The following B3GALNT2 variants were observed in gnomAD, a reference collection of about 807,000 sequenced individuals.
B3GALNT2 encodes UDP-GalNAc:beta-1,3-N-acetylgalactosaminyltransferase 2.
Under a neutral mutation model 61.1 loss-of-function variants are expected in B3GALNT2, and 53 were observed. That is an observed-to-expected ratio of 0.87 (90% CI 0.70 to 1.09). The LOEUF (loss-of-function observed/expected upper bound fraction) is 1.09, where lower values mean the gene tolerates loss of function less well. Among genes scored for constraint, B3GALNT2 ranks in the 50% least tolerant of loss-of-function variants. The pLI, the probability that B3GALNT2 is intolerant of heterozygous loss-of-function variation, is 0.00. For missense variants in B3GALNT2, 544 were observed against 623.0 expected (o/e 0.87, Z 1.35); for synonymous variants, 223 against 237.4 (o/e 0.94, Z 0.56).
At chr1:235,474,548 G>T (rs528437609) in intron 5 of B3GALNT2, among the ~76,000 whole-genome samples, 3 of 152,034 alleles carry the variant, frequency 2.0e-5, no homozygotes, top group Admixed American at 2.0e-4. Flanking sequence ...GGCTGGGCAC[G>T]GTGGCTCACA....
intron 10 of B3GALNT2, 108 bp downstream of exon 10, chr1:235,454,048 A>G: frequency 9.5e-7 from 1 of 1,049,074 alleles, no homozygotes; most frequent in Non-Finnish European, 1.3e-6. Flanking sequence ...TATGTTACCC[A>G]GGCTGGTCTT....
chr1:235,473,075 T>G (rs773197693), intron 5 of B3GALNT2, among the ~76,000 whole-genome samples: 9 of 151,900 alleles, frequency 5.9e-5, no homozygotes, highest in Non-Finnish European at 1.0e-4. Context: ...CCACCATGCC[T>G]AGCTAATTTT....
intron 3 of B3GALNT2, 200 bp from the exon 4 acceptor site, chr1:235,484,715 T>C: frequency 1.1e-6 from 1 of 936,302 alleles, no homozygotes; most frequent in Non-Finnish European, 1.5e-6. Flanking sequence ...AATAAAGTTT[T>C]CAGCCACATC....
intron 5 of B3GALNT2, among the ~76,000 whole-genome samples, chr1:235,474,973 ATATATATATATATATTTTTTTTTTTT>A (rs1352706254): frequency 1.7e-4 from 5 of 29,784 alleles, no homozygotes; most frequent in African/African-American, 6.3e-4. Context: ...ATATATATAT[ATATATATATATATATTTTTTTTTTTT>A]TTTTTTTTTT....
intron 1 of B3GALNT2, among the ~76,000 whole-genome samples, chr1:235,495,819 C>G (rs1245639084): frequency 6.6e-6 from 1 of 152,050 alleles, no homozygotes; most frequent in African/African-American, 2.4e-5. Context: ...AGACTCTTTA[C>G]TATATTAAAT....
chr1:235,504,431 A>AGACCGCGGGT lies in B3GALNT2; in HGVS notation c.-189_-180dup. 1.6e-6 allele frequency: 1 copy of AGACCGCGGGT among 619,876 alleles called. No homozygotes were observed. The highest frequency in any genetic ancestry group is 2.4e-6 in the Non-Finnish European group (1 of 408,688). The allele number at this position is 619,876 out of a possible 1,614,324, so 38.4% of individuals were successfully genotyped here. On this transcript the variant is annotated 5_prime_UTR_variant, in exon 1 of 12. Coordinates refer to ENST00000366600, the MANE Select transcript of B3GALNT2 (RefSeq NM_152490.5). ...CCCGGCCCCGCTCCTCCGGTCCCTCAGACCGCGGGTGGCCGCGGCTTAGCC... is the reference window on the plus strand; with the variant it reads ...CCCGGCCCCGCTCCTCCGGTCCCTCAGACCGCGGGTGACCGCGGGTGGCCGCGGCTTAGCC...
In B3GALNT2 at chr1:235,470,775, G is replaced by A. The variant is rs371708271; in HGVS notation, c.762+75C>T. 53 of 1,534,036 alleles carry A rather than the reference G, an allele frequency of 3.5e-5. No homozygotes were observed. The African/African-American group carries it at 7.1e-4, about 21-fold the overall frequency. On this transcript the variant is annotated intron_variant, in intron 6 of 11. Transcript: ENST00000366600. ...TGCTCCATGCTGCCTGGGCTCTAAG[G>A]TAAATTTTAGAACAATTTTATATAT...
chr1:235,478,969 G>A (rs979444189), intron 5 of B3GALNT2: 1 of 149,800 alleles, frequency 6.7e-6, no homozygotes, highest in Non-Finnish European at 1.5e-5. Context: ...TTTATTTTTT[G>A]ACTGCTTTTG....
chr1:235,441,851 G>C, the B3GALNT2 span: 2 of 1,614,024 alleles, frequency 1.2e-6, no homozygotes, highest in Non-Finnish European at 1.7e-6. Context: ...TCAAAACACA[G>C]CAACCACTTA....
At position 235,448,544 on chromosome 1, in the gene B3GALNT2, T is replaced by A; in HGVS notation, c.*1662A>T. 7.2e-7 allele frequency: 1 copy of A among 1,385,958 alleles called. No homozygotes were observed. The highest frequency in any genetic ancestry group is 1.0e-6 in the Non-Finnish European group (1 of 972,750). 85.9% of individuals were successfully genotyped at this position (1,385,958 alleles called of 1,614,324 possible). On this transcript the variant is annotated 3_prime_UTR_variant, in exon 12 of 12. Coordinates refer to ENST00000366600, the MANE Select transcript of B3GALNT2 (RefSeq NM_152490.5). Reference sequence around the variant, plus strand: ...ACAGTTTGATTCTAAATGGAGACCATGGGTCTGTTTGTTTGATTTTAAGGG... The same window carrying A: ...ACAGTTTGATTCTAAATGGAGACCAAGGGTCTGTTTGTTTGATTTTAAGGG...
rs57291873 is a variant in B3GALNT2 at position 235,498,843 on chromosome 1, CAAAAAAAAAAAAAAA to C, written c.113-4030_113-4016del. Among the ~76,000 whole-genome samples, 14 of 64,120 alleles carry C rather than the reference CAAAAAAAAAAAAAAA, an allele frequency of 2.2e-4. No homozygotes were observed. The East Asian group carries it at 7.1e-3, about 33-fold the overall frequency. 42.1% of individuals were successfully genotyped at this position (64,120 alleles called of 152,430 possible). ...TGGGTGACAGAGCTAGACTCCTTCT[CAAAAAAAAAAAAAAA>C]AAAAAAAAAAAAAAAAAGGCTACTC... On this transcript the variant is annotated intron_variant, in intron 1 of 11. Coordinates refer to ENST00000366600, the MANE Select transcript of B3GALNT2 (RefSeq NM_152490.5).
chr1:235,504,290 C>A lies in B3GALNT2; in HGVS notation c.-38G>T. The A allele has an allele frequency of 1.5e-5, 22 of 1,480,946 alleles. No individual in the cohort carries two copies. The highest frequency in any genetic ancestry group is 2.5e-5 in the South Asian group (2 of 79,948). 91.7% of individuals were successfully genotyped at this position (1,480,946 alleles called of 1,614,324 possible). On this transcript the variant is annotated 5_prime_UTR_variant, in exon 1 of 12. Transcript: ENST00000366600. ...CCGCGAGCCGGGCTCTCCCGCGTCC[C>A]GGCGGAGAGGGAGGGGACCTGCAAG...
At chr1:235,469,377 TAC>T (rs1283188536) in intron 6 of B3GALNT2, among the ~76,000 whole-genome samples, 2 of 152,210 alleles carry the variant, frequency 1.3e-5, no homozygotes, top group African/African-American at 4.8e-5. Flanking sequence ...ACCGTTTGTT[TAC>T]TAAAGTTCAT....
the B3GALNT2 span, among the ~76,000 whole-genome samples, chr1:235,440,025 C>T: frequency 1.3e-5 from 2 of 151,962 alleles, no homozygotes; most frequent in Non-Finnish European, 2.9e-5. Flanking sequence ...GGCTGGAGTG[C>T]AGTGCCGCGA....
chr1:235,474,971 A>ATTTTTTTTTTTTTTT (rs1558425250), intron 5 of B3GALNT2, among the ~76,000 whole-genome samples: 1 of 30,120 alleles, frequency 3.3e-5, no homozygotes, highest in African/African-American at 2.0e-4. Context: ...ATATATATAT[A>ATTTTTTTTTTTTTTT]TATATATATA....
intron 1 of B3GALNT2, among the ~76,000 whole-genome samples, chr1:235,501,423 A>T (rs1464424015): frequency 2.0e-5 from 3 of 152,194 alleles, no homozygotes; most frequent in Non-Finnish European, 4.4e-5. Context: ...GACTTCCCTG[A>T]CCTATTTAAA....
chr1:235,467,267 TGAACCTGGGA>T (rs1314490240), intron 6 of B3GALNT2, among the ~76,000 whole-genome samples: 1 of 152,082 alleles, frequency 6.6e-6, no homozygotes, highest in Non-Finnish European at 1.5e-5. Flanking sequence ...GAGTATCACT[TGAACCTGGGA>T]GAAGGAGATT....
intron 2 of B3GALNT2, among the ~76,000 whole-genome samples, chr1:235,491,990 C>T (rs897954388): frequency 6.6e-6 from 1 of 152,152 alleles, no homozygotes; most frequent in African/African-American, 2.4e-5. Context: ...ACAGCACATA[C>T]AACATTTTAT....
intron 4 of B3GALNT2, among the ~76,000 whole-genome samples, chr1:235,483,652 A>C (rs1303783693): frequency 6.6e-6 from 1 of 152,182 alleles, no homozygotes; most frequent in African/African-American, 2.4e-5. Flanking sequence ...TGCACCTAGA[A>C]TCCCAGCTAC....
Sources: gnomAD v4.1 joint callset for allele counts (sites outside exome capture counted in the v4.1 genomes callset) on GRCh38, gnomAD v4.1.1 for gene constraint, MANE v1.5 for transcripts, NCBI Gene and HGNC (gene_info 2026-07-23, HGNC 2026-07-21) for gene names.